The following FYN variants were observed in gnomAD, a reference collection of about 807,000 sequenced individuals.
The protein encoded by FYN is tyrosine-protein kinase Fyn.
Under a neutral mutation model 70.2 loss-of-function variants are expected in FYN, and 10 were observed. The ratio of observed to expected loss-of-function variants is 0.14; its 90% CI spans 0.09 to 0.24. The LOEUF is 0.24. Among genes scored for constraint, FYN ranks in the 10% least tolerant of loss-of-function variants. The pLI is 1.00. For missense variants in FYN, 319 were observed against 673.1 expected (o/e 0.47, Z 5.82); for synonymous variants, 236 against 248.6 (o/e 0.95, Z 0.48).
At chr6:111,865,236 C>G (rs952339788) in intron 1 of FYN, among the ~76,000 whole-genome samples, 3 of 152,144 alleles carry the variant, frequency 2.0e-5, no homozygotes, top group Non-Finnish European at 4.4e-5. Context: ...CATGGGTTTA[C>G]AAGGGCAGAG....
At chr6:111,742,388 G>A (rs561520443) in intron 3 of FYN, among the ~76,000 whole-genome samples, 1 of 152,294 alleles carries the variant, frequency 6.6e-6, no homozygotes, top group East Asian at 1.9e-4. Flanking sequence ...AATACATCAC[G>A]TTGTTAATGG....
intron 8 of FYN, among the ~76,000 whole-genome samples, 180 bp from the exon 9 acceptor site, chr6:111,700,448 C>T (rs566591553): frequency 6.6e-6 from 1 of 152,262 alleles, no homozygotes; most frequent in Non-Finnish European, 1.5e-5. Flanking sequence ...TTAAACAGCG[C>T]TACACCAGCA....
At chr6:111,783,187 G>C (rs1403329190) in intron 2 of FYN, among the ~76,000 whole-genome samples, 1 of 152,172 alleles carries the variant, frequency 6.6e-6, no homozygotes, top group Non-Finnish European at 1.5e-5. Flanking sequence ...CAAACGAATA[G>C]AGCATAATGA....
rs71021858 is a variant in FYN, at chr6:111,673,622, G to GTTTTTTTTTTTTTTT, written c.1405+862_1405+876dup. Among the ~76,000 whole-genome samples the GTTTTTTTTTTTTTTT allele has an allele frequency of 7.5e-4, 87 of 116,570 alleles. 3 individuals carry two copies. Among genetic ancestry groups the GTTTTTTTTTTTTTTT allele is most frequent in the East Asian group, 1.3e-3 (5 of 3,790 alleles). The allele number at this position is 116,570 out of a possible 152,430, so 76.5% of individuals were successfully genotyped here. A position where few individuals can be genotyped will look rare whatever the true frequency, so the allele number is the denominator to read the frequency against. ...AATCGTCACTATCGTTTCTATCATTGTTTTTTTTTTTTTTTTTTTCTTTAA... is the reference window on the plus strand; with the variant it reads ...AATCGTCACTATCGTTTCTATCATTGTTTTTTTTTTTTTTTTTTTTTTTTTTTTTTTTTTCTTTAA... On this transcript the variant is annotated intron_variant, in intron 13 of 13. Coordinates refer to ENST00000354650, the MANE Select transcript of FYN (RefSeq NM_002037.5).
chr6:111,692,105 C>CG (rs1373513871), intron 12 of FYN, among the ~76,000 whole-genome samples: 3 of 146,924 alleles, frequency 2.0e-5, no homozygotes, highest in Non-Finnish European at 4.5e-5. Context: ...TTCATTTCCC[C>CG]CCCCCCCAGT....
chr6:111,662,069 AT>A (rs1295939332), intron 13 of FYN, 122 bp from the exon 14 acceptor site: 6 of 750,760 alleles, frequency 8.0e-6, no homozygotes, highest in Non-Finnish European at 1.1e-5. Flanking sequence ...GAGTACTCCC[AT>A]CCCCCCAGGA....
intron 3 of FYN, among the ~76,000 whole-genome samples, chr6:111,722,807 G>A (rs1402415177): frequency 1.3e-5 from 2 of 152,122 alleles, no homozygotes; most frequent in African/African-American, 4.8e-5. Flanking sequence ...GAGTTACCTG[G>A]CCCCAAATGT....
intron 1 of FYN, among the ~76,000 whole-genome samples, chr6:111,864,520 C>T (rs1218683074): frequency 6.6e-6 from 1 of 151,958 alleles, no homozygotes; most frequent in African/African-American, 2.4e-5. Context: ...CACTGTCCTA[C>T]CCAGCTGGTT....
chr6:111,711,609 C>G (rs1431868783), intron 5 of FYN, among the ~76,000 whole-genome samples: 1 of 152,152 alleles, frequency 6.6e-6, no homozygotes, highest in Non-Finnish European at 1.5e-5. Context: ...CCTCCAGCGC[C>G]ACCAGGGCTC....
chr6:111,723,289 GT>G (rs886778203), intron 3 of FYN, among the ~76,000 whole-genome samples: 5 of 151,124 alleles, frequency 3.3e-5, no homozygotes, highest in Non-Finnish European at 7.4e-5. Flanking sequence ...AGGAATTTTT[GT>G]TTTTTTTTAA....
At chr6:111,675,608 C>G (rs904854951) in intron 12 of FYN, among the ~76,000 whole-genome samples, 88 of 152,068 alleles carry the variant, frequency 5.8e-4, no homozygotes, top group African/African-American at 2.0e-3. Context: ...GCCTGGCCAA[C>G]AGGGTGAAAC....
chr6:111,757,286 C>T (rs1802780530), intron 3 of FYN, among the ~76,000 whole-genome samples: 1 of 152,178 alleles, frequency 6.6e-6, no homozygotes, highest in Admixed American at 6.5e-5. Flanking sequence ...GGCACCTCAA[C>T]CAGATAAGCA....
At chr6:111,790,109 G>C (rs1771556489) in intron 2 of FYN, among the ~76,000 whole-genome samples, 1 of 151,424 alleles carries the variant, frequency 6.6e-6, no homozygotes, top group East Asian at 1.9e-4. Flanking sequence ...GTGTGTGTGT[G>C]TCCATGCCAA....
chr6:111,732,481 G>A (rs769261706), intron 3 of FYN, among the ~76,000 whole-genome samples: 57 of 152,302 alleles, frequency 3.7e-4, no homozygotes, highest in African/African-American at 1.2e-3. Context: ...GTAAGCGAGC[G>A]GTGGAGGGTG....
intron 3 of FYN, among the ~76,000 whole-genome samples, chr6:111,747,179 G>A (rs6938050): frequency 0.083 from 12,577 of 152,194 alleles, 1,367 homozygotes; most frequent in African/African-American, 0.25. Context: ...AAAGGAAGTG[G>A]CTCAAAAGCA....
chr6:111,741,385 T>C (rs1801956112), intron 3 of FYN, among the ~76,000 whole-genome samples: 3 of 152,332 alleles, frequency 2.0e-5, no homozygotes, highest in Middle Eastern at 3.4e-3. Context: ...GAGATGTTTA[T>C]GTATGTACAC....
chr6:111,814,885 G>T (rs1256730807), intron 2 of FYN, among the ~76,000 whole-genome samples: 1 of 152,202 alleles, frequency 6.6e-6, no homozygotes, highest in Admixed American at 6.5e-5. Context: ...CAGCGAACAG[G>T]TATGTTCTCA....
At position 111,700,164 on chromosome 6, in the gene FYN, G is replaced by A; in HGVS notation, c.802C>T (p.Arg268Ter). The A allele has an allele frequency of 1.2e-6, 2 of 1,614,034 alleles. No individual in the cohort carries two copies. The highest frequency in any genetic ancestry group is 8.5e-7 in the Non-Finnish European group (1 of 1,180,010). Residue 268 changes from arginine to a stop codon, truncating the protein, a stop_gained, in exon 9 of 14, where the codon CGA becomes TGA. Coordinates refer to ENST00000354650, the MANE Select transcript of FYN (RefSeq NM_002037.5). LOFTEE classifies it high-confidence loss of function. ...CTCTTGATCAACTGCAGGGATTCTC[G>A]AGGGATTTCCCAGACATCTTTGGTT... ...VKTKDVWEIP[R>*]ESLQLIKRLG...
chr6:111,767,329 A>AT (rs1394844736), intron 3 of FYN, among the ~76,000 whole-genome samples: 2 of 152,236 alleles, frequency 1.3e-5, no homozygotes, highest in Non-Finnish European at 2.9e-5. Context: ...ACATTTTCTT[A>AT]AATGTGCTCT....
Sources: allele counts gnomAD v4.1 joint callset (sites outside exome capture counted in the v4.1 genomes callset), GRCh38; gene constraint gnomAD v4.1.1; transcripts MANE v1.5; gene names NCBI Gene and HGNC (gene_info 2026-07-23, HGNC 2026-07-21).